Variants in PTPRE observed in about 807,000 individuals in gnomAD.
PTPRE encodes receptor-type tyrosine-protein phosphatase epsilon.
Under a neutral mutation model 102.0 loss-of-function variants are expected in PTPRE, and 51 were observed. The observed-to-expected ratio is 0.50, with a 90% CI of 0.40 to 0.63. The LOEUF is 0.63. PTPRE is among the 30% of genes least tolerant of loss of function. The pLI, the probability that PTPRE is intolerant of heterozygous loss-of-function variation, is 0.00. For missense variants in PTPRE, 752 were observed against 915.1 expected, an observed-to-expected ratio of 0.82 and a Z score of 2.30; for synonymous variants, 345 against 348.2, an observed-to-expected ratio of 0.99 and a Z score of 0.10.
intron 2 of PTPRE, among the ~76,000 whole-genome samples, chr10:128,034,592 G>A (rs1390400307): frequency 6.6e-6 from 1 of 152,184 alleles, no homozygotes; most frequent in Non-Finnish European, 1.5e-5. Context: ...AGCTACTTGG[G>A]AGGCTGAGAT....
intron 1 of PTPRE, chr10:127,934,278 C>T (rs1481828511): frequency 1.3e-5 from 2 of 152,108 alleles, no homozygotes; most frequent in Admixed American, 6.5e-5. Flanking sequence ...ATTGCTTCAC[C>T]GTTGAGAGCC....
chr10:127,989,546 A>AGGAAGTGC (rs1272758462), intron 2 of PTPRE, among the ~76,000 whole-genome samples: 9 of 152,238 alleles, frequency 5.9e-5, no homozygotes, highest in Non-Finnish European at 1.0e-4. Flanking sequence ...GACAGTGGAA[A>AGGAAGTGC]GGAAGTGCCA....
At chr10:128,077,044 GC>G (rs1851266094) in intron 18 of PTPRE, among the ~76,000 whole-genome samples, 1 of 152,124 alleles carries the variant, frequency 6.6e-6, no homozygotes, top group Non-Finnish European at 1.5e-5. Context: ...CCTTCTCAGA[GC>G]CCCCCAACTG....
At chr10:128,029,544 C>T (rs1377511212) in intron 2 of PTPRE, among the ~76,000 whole-genome samples, 2 of 152,190 alleles carry the variant, frequency 1.3e-5, no homozygotes, top group Non-Finnish European at 2.9e-5. Context: ...GTCAGGATGC[C>T]CAAACTGGAT....
rs143647231 is a variant in PTPRE, at chr10:127,911,626, C to T, written c.-31+4317C>T. Among the ~76,000 whole-genome samples, 908 of 152,288 alleles carry T rather than the reference C, an allele frequency of 6.0e-3. 9 individuals are homozygous for T. The highest frequency in any genetic ancestry group is 0.014 in the Middle Eastern group (4 of 294). On this transcript the variant is annotated intron_variant, in intron 1 of 20. Transcript: ENST00000254667. ...CCCTCACAGCTGCTGCACTTCCGCC[C>T]GATTTCACCCCTTCCCCACCACTGG... is the stretch of plus-strand genomic sequence containing the variant.
chr10:128,055,828 A>T (rs1290878935), intron 6 of PTPRE, among the ~76,000 whole-genome samples: 1 of 152,212 alleles, frequency 6.6e-6, no homozygotes, highest in South Asian at 2.1e-4. Context: ...GATACCATGG[A>T]AATGCAAAGG....
intron 12 of PTPRE, chr10:128,068,599 A>G: frequency 4.6e-6 from 1 of 218,370 alleles, no homozygotes; most frequent in Non-Finnish European, 9.1e-6. Context: ...CACCTCTGGG[A>G]ACCAAGATGG....
intron 1 of PTPRE, among the ~76,000 whole-genome samples, chr10:127,909,289 A>G (rs1303658139): frequency 6.6e-6 from 1 of 152,160 alleles, no homozygotes; most frequent in Admixed American, 6.5e-5. Flanking sequence ...CTTGCCCCCA[A>G]ACCCCAAGAG....
chr10:128,067,249 TTC>T, intron 11 of PTPRE, among the ~76,000 whole-genome samples: 1 of 86,076 alleles, frequency 1.2e-5, no homozygotes. Context: ...CGCACACACA[TTC>T]ATGCACATGC....
rs1448587041 is a variant in PTPRE at position 128,082,696 on chromosome 10, T to TA, written c.2029-135dup. 6 of 1,009,568 alleles carry TA rather than the reference T, an allele frequency of 5.9e-6. No individual in the cohort carries two copies. In the East Asian group the frequency reaches 1.9e-4, roughly 32 times the overall value. The allele number at this position is 1,009,568 out of a possible 1,614,324, so 62.5% of individuals were successfully genotyped here. Reference sequence around the variant, plus strand: ...TTCTGCATGTGCCTAAAAACTAAATTACGATGTGCATAAAGGTATATGGTA... The same window carrying TA: ...TTCTGCATGTGCCTAAAAACTAAATTAACGATGTGCATAAAGGTATATGGTA... On this transcript the variant is annotated intron_variant, in intron 20 of 20. Coordinates refer to ENST00000254667, the MANE Select transcript of PTPRE (RefSeq NM_006504.6).
intron 2 of PTPRE, among the ~76,000 whole-genome samples, chr10:128,021,013 G>A (rs1845832639): frequency 6.6e-6 from 1 of 151,612 alleles, no homozygotes. Flanking sequence ...TTCTGCCTCA[G>A]CCTCCCGAGT....
intron 1 of PTPRE, among the ~76,000 whole-genome samples, chr10:127,973,501 G>C (rs1850916109): frequency 1.3e-5 from 2 of 152,156 alleles, no homozygotes; most frequent in South Asian, 4.1e-4. Context: ...TTGTTGTGGG[G>C]TGGAGGATCA....
intron 15 of PTPRE, chr10:128,071,778 C>A: frequency 4.8e-6 from 1 of 209,832 alleles, no homozygotes; most frequent in Non-Finnish European, 9.6e-6. Flanking sequence ...CATCTTCAGA[C>A]TCTGGCCCTT....
chr10:127,916,856 A>G (rs2135156625), intron 1 of PTPRE, among the ~76,000 whole-genome samples: 1 of 152,258 alleles, frequency 6.6e-6, no homozygotes, highest in East Asian at 1.9e-4. Context: ...ATTCTCCAGA[A>G]AAACGCATGT....
At chr10:128,009,843 C>T (rs1032787715) in intron 2 of PTPRE, among the ~76,000 whole-genome samples, 1 of 152,212 alleles carries the variant, frequency 6.6e-6, no homozygotes, top group Middle Eastern at 3.2e-3. Context: ...AACAACATTT[C>T]TCTCTTGTTT....
At chr10:128,036,872 A>G (rs1044504543) in intron 2 of PTPRE, among the ~76,000 whole-genome samples, 2 of 152,172 alleles carry the variant, frequency 1.3e-5, no homozygotes, top group African/African-American at 4.8e-5. Flanking sequence ...GAGACTCTGC[A>G]TTCCTCACAT....
intron 17 of PTPRE, 91 bp from the exon 18 acceptor site, chr10:128,076,512 C>G: frequency 2.4e-6 from 3 of 1,238,562 alleles, no homozygotes; most frequent in Non-Finnish European, 3.3e-6. Flanking sequence ...AATACATTAA[C>G]TGGTTTGAGA....
chr10:128,080,799 G>T (rs1045861601), intron 20 of PTPRE, among the ~76,000 whole-genome samples: 1 of 152,172 alleles, frequency 6.6e-6, no homozygotes, highest in African/African-American at 2.4e-5. Context: ...TAGAGTAAAG[G>T]GTCTAGTCCA....
In PTPRE at chr10:128,068,170, C is replaced by G; in HGVS notation, c.891C>G (p.His297Gln). 5.0e-6 allele frequency: 8 copies of G among 1,614,148 alleles called. No individual in the cohort carries two copies. The highest frequency in any genetic ancestry group is 6.8e-6 in the Non-Finnish European group (8 of 1,180,004). Residue 297 changes from histidine (H) to glutamine (Q), a missense_variant, in exon 12 of 21, where the codon CAC becomes CAG. Physicochemically the swap from His to Gln is conservative, Grantham distance 24. Coordinates refer to ENST00000254667, the MANE Select transcript of PTPRE (RefSeq NM_006504.6). ...CKAPRLVSQL[H>Q]FTSWPDFGVP... is the part of the protein sequence containing the mutation. ...CCCCCAGGCTGGTCTCACAGCTGCA[C>G]TTCACCAGCTGGCCCGACTTCGGAG... is the stretch of plus-strand genomic sequence containing the variant.
Sources: gnomAD v4.1 joint callset for allele counts (sites outside exome capture counted in the v4.1 genomes callset) on GRCh38, gnomAD v4.1.1 for gene constraint, MANE v1.5 for transcripts, NCBI Gene and HGNC (gene_info 2026-07-23, HGNC 2026-07-21) for gene names.